The following NCOR2 variants were observed in gnomAD, a reference collection of about 807,000 sequenced individuals.
The protein encoded by NCOR2 is CTG repeat protein 26.
A neutral mutation model predicts 262.9 loss-of-function variants in NCOR2; 81 were observed. The ratio of observed to expected loss-of-function variants is 0.31; its 90% CI spans 0.26 to 0.37. The LOEUF is 0.37. Ranked by LOEUF, NCOR2 falls within the 10% of genes least tolerant of loss-of-function variation. The pLI is 1.00. For missense variants in NCOR2, 3,385 were observed against 3,621.4 expected (o/e 0.93, Z 1.68); for synonymous variants, 1,659 against 1,559.3 (o/e 1.06, Z -1.51).
intron 13 of NCOR2, among the ~76,000 whole-genome samples, chr12:124,413,648 A>G (rs1413535445): frequency 6.6e-6 from 1 of 152,126 alleles, no homozygotes; most frequent in East Asian, 1.9e-4. Flanking sequence ...GGCCACCCAC[A>G]GCAGCCTCCA....
exon 32 of NCOR2, chr12:124,344,945 G>T: frequency 6.5e-7 from 1 of 1,541,446 alleles, no homozygotes. Flanking sequence ...TACTTGAGCG[G>T]GGTGCCCTGG....
At chr12:124,353,402 G>A (rs1377471583) in intron 27 of NCOR2, among the ~76,000 whole-genome samples, 1 of 152,218 alleles carries the variant, frequency 6.6e-6, no homozygotes, top group African/African-American at 2.4e-5. Flanking sequence ...TTCAGAGAAG[G>A]GCAAAGTGTA....
chr12:124,342,456 G>A lies in NCOR2; in HGVS notation c.4937-382C>T, dbSNP rs376183733. 4.5e-4 allele frequency among the ~76,000 whole-genome samples: 69 copies of A among 152,112 alleles called. No individual in the cohort carries two copies. In the South Asian group the frequency reaches 0.013, roughly 28 times the overall value. ...GCGATCTTGGCTCACTGCAAGCTCC[G>A]CCTCCCGGGTTCACGCCATTCTCCT... On this transcript the variant is annotated intron_variant, in intron 33 of 46. Transcript: ENST00000405201.
chr12:124,490,531 CTTT>C (rs901206288), intron 1 of NCOR2, among the ~76,000 whole-genome samples: 6 of 152,162 alleles, frequency 3.9e-5, no homozygotes, highest in Admixed American at 3.3e-4. Context: ...ACCAGCCTCT[CTTT>C]TGAGGGCCAA....
chr12:124,470,763 C>T (rs1175939119), intron 4 of NCOR2, among the ~76,000 whole-genome samples: 2 of 152,150 alleles, frequency 1.3e-5, no homozygotes, highest in Non-Finnish European at 1.5e-5. Context: ...TGCAAATGTA[C>T]GAAATGCCAC....
intron 1 of NCOR2, among the ~76,000 whole-genome samples, chr12:124,554,537 C>T (rs78424865): frequency 0.13 from 19,673 of 152,282 alleles, 1,362 homozygotes; most frequent in South Asian, 0.16. Context: ...CTGTGCCCTC[C>T]GCACCTCCAA....
chr12:124,333,920 A>ACGTG (rs1566353912), intron 41 of NCOR2, among the ~76,000 whole-genome samples: 2 of 77,722 alleles, frequency 2.6e-5, no homozygotes, highest in African/African-American at 4.6e-5. Flanking sequence ...GCGGGTGTGC[A>ACGTG]TGTGTGTGCG....
At chr12:124,350,656 G>C (rs373295499) in exon 28 of NCOR2, 1 of 1,613,836 alleles carries the variant, frequency 6.2e-7, no homozygotes, top group South Asian at 1.1e-5. Flanking sequence ...CTGTCCTCCC[G>C]GCCGCGGTCC....
At position 124,440,743 on chromosome 12, in the gene NCOR2, G is replaced by A. The variant is rs2044756635; in HGVS notation, c.816-2747C>T. Among the ~76,000 whole-genome samples, 2 of 152,240 alleles carry A rather than the reference G, an allele frequency of 1.3e-5. No individual in the cohort carries two copies. The highest frequency in any genetic ancestry group is 2.9e-5 in the Non-Finnish European group (2 of 68,046). On this transcript the variant is annotated intron_variant, in intron 7 of 46. Coordinates refer to ENST00000405201, the Ensembl canonical transcript of NCOR2. The surrounding 1 kb of genome is among the most constrained non-coding windows in gnomAD (Gnocchi z 5.7). Reference sequence around the variant, plus strand: ...GGAACTTAAATGGAATGGTGGGCTAGTGGGTGCTGGGGGACGGGGTGTGAG... The same window carrying A: ...GGAACTTAAATGGAATGGTGGGCTAATGGGTGCTGGGGGACGGGGTGTGAG...
intron 1 of NCOR2, among the ~76,000 whole-genome samples, chr12:124,493,331 T>C (rs1247239524): frequency 1.3e-5 from 2 of 152,112 alleles, no homozygotes; most frequent in Non-Finnish European, 2.9e-5. Flanking sequence ...GCAGGCAGGT[T>C]CCCCTCTGGG....
At chr12:124,387,254 G>A (rs1052953078) in intron 16 of NCOR2, among the ~76,000 whole-genome samples, 2 of 22,560 alleles carry the variant, frequency 8.9e-5, no homozygotes, top group African/African-American at 1.4e-4. Flanking sequence ...ACCCACCCAC[G>A]TGCTGGCTGC....
At chr12:124,533,669 A>G (rs2050968014) in intron 1 of NCOR2, among the ~76,000 whole-genome samples, 1 of 152,212 alleles carries the variant, frequency 6.6e-6, no homozygotes, top group African/African-American at 2.4e-5. Context: ...TAGGTGCTTT[A>G]GAAAGAGCCA....
At chr12:124,349,705 C>T (rs2037271304) in intron 28 of NCOR2, among the ~76,000 whole-genome samples, 1 of 152,176 alleles carries the variant, frequency 6.6e-6, no homozygotes, top group African/African-American at 2.4e-5. Flanking sequence ...CGCTGAAGGC[C>T]TATAAAGGCT....
intron 33 of NCOR2, 66 bp from the exon 36 acceptor site, chr12:124,342,140 G>A: frequency 4.6e-6 from 7 of 1,514,620 alleles, no homozygotes; most frequent in Non-Finnish European, 6.2e-6. Context: ...CGCTCCACCT[G>A]TCTGGATGCC....
intron 1 of NCOR2, among the ~76,000 whole-genome samples, chr12:124,552,667 C>G (rs1257922502): frequency 6.6e-6 from 1 of 152,132 alleles, no homozygotes; most frequent in African/African-American, 2.4e-5. Flanking sequence ...TAAAACAGCA[C>G]AAGTTTTTTC....
At chr12:124,417,553 G>A (rs1011662951) in intron 13 of NCOR2, among the ~76,000 whole-genome samples, 3 of 152,170 alleles carry the variant, frequency 2.0e-5, no homozygotes, top group Non-Finnish European at 4.4e-5. Context: ...GGGGAACTGG[G>A]AAGGCCAGCA....
At chr12:124,391,116 C>A (rs2041277357) in intron 16 of NCOR2, among the ~76,000 whole-genome samples, 1 of 152,250 alleles carries the variant, frequency 6.6e-6, no homozygotes, top group Admixed American at 6.5e-5. Flanking sequence ...GCCTGTGCTG[C>A]CGCTCAGATG....
At chr12:124,333,817 T>C (rs2035488840) in intron 41 of NCOR2, among the ~76,000 whole-genome samples, 1 of 151,332 alleles carries the variant, frequency 6.6e-6, no homozygotes, top group Non-Finnish European at 1.5e-5. Flanking sequence ...TGTGCCTGTG[T>C]CTACAGGGGT....
intron 4 of NCOR2, among the ~76,000 whole-genome samples, chr12:124,470,444 A>T (rs2046774487): frequency 6.6e-6 from 1 of 152,238 alleles, no homozygotes. Flanking sequence ...GCCACAGCCC[A>T]AATGGCCACA....
Sources: allele counts gnomAD v4.1 joint callset (sites outside exome capture counted in the v4.1 genomes callset), GRCh38; gene constraint gnomAD v4.1.1; non-coding constraint Gnocchi (gnomAD v3.1); transcripts MANE v1.5; gene names NCBI Gene and HGNC (gene_info 2026-07-23, HGNC 2026-07-21).